The following KCNN2 variants were observed in gnomAD, a reference collection of about 807,000 sequenced individuals.
The protein encoded by KCNN2 is potassium calcium-activated channel subfamily N member 2.
In KCNN2, 24 loss-of-function variants were observed where a neutral mutation model predicts 55.5. The observed-to-expected ratio is 0.43, with a 90% CI of 0.31 to 0.61. The LOEUF (loss-of-function observed/expected upper bound fraction) is 0.61, where lower values mean the gene tolerates loss of function less well. Among genes scored for constraint, KCNN2 ranks in the 20% least tolerant of loss-of-function variants. KCNN2 has a pLI of 0.08. For synonymous variants in KCNN2, 431 were observed against 336.1 expected, an observed-to-expected ratio of 1.28 and a Z score of -3.09; for missense variants, 754 against 853.6, an observed-to-expected ratio of 0.88 and a Z score of 1.45.
At chr5:114,212,262 A>T (rs1380664150) in intron 1 of KCNN2, among the ~76,000 whole-genome samples, 2 of 152,076 alleles carry the variant, frequency 1.3e-5, no homozygotes, top group Non-Finnish European at 2.9e-5. Flanking sequence ...TAAACCTTGA[A>T]AACATTGTGT....
At chr5:114,308,060 T>C (rs1201396363) in intron 2 of KCNN2, among the ~76,000 whole-genome samples, 2 of 152,146 alleles carry the variant, frequency 1.3e-5, no homozygotes, top group South Asian at 4.1e-4. Context: ...GTATAAATTA[T>C]TTACTCCCGA....
chr5:114,432,878 G>A (rs1356829478), intron 3 of KCNN2, among the ~76,000 whole-genome samples: 1 of 152,210 alleles, frequency 6.6e-6, no homozygotes, highest in Non-Finnish European at 1.5e-5. Flanking sequence ...GCTCACCAGC[G>A]CTGCGCTTGA....
chr5:114,379,605 TTA>T (rs1758048944), intron 2 of KCNN2, among the ~76,000 whole-genome samples: 1 of 39,174 alleles, frequency 2.6e-5, no homozygotes, highest in Non-Finnish European at 4.6e-5. Context: ...ATTATATATT[TTA>T]GAATATATTA....
chr5:114,120,645 A>T (rs1337292090), intron 1 of KCNN2, among the ~76,000 whole-genome samples: 1 of 152,208 alleles, frequency 6.6e-6, no homozygotes, highest in African/African-American at 2.4e-5. Context: ...ATACTTTGGG[A>T]ACCTGAGTAT....
intron 1 of KCNN2, among the ~76,000 whole-genome samples, chr5:114,173,706 G>A (rs1404487784): frequency 6.6e-6 from 1 of 150,738 alleles, no homozygotes; most frequent in Admixed American, 6.6e-5. Flanking sequence ...AAATCCTTTA[G>A]TTCTTTTGTT....
chr5:114,090,986 T>G (rs1751132348), intron 1 of KCNN2, among the ~76,000 whole-genome samples: 1 of 152,094 alleles, frequency 6.6e-6, no homozygotes, highest in Admixed American at 6.5e-5. Context: ...TACAGGCATG[T>G]ACCATGCCCG....
At chr5:114,353,633 G>C (rs1561581893) in intron 2 of KCNN2, among the ~76,000 whole-genome samples, 1 of 151,918 alleles carries the variant, frequency 6.6e-6, no homozygotes. Flanking sequence ...GGAAAGGCAA[G>C]TCTGTTAGCA....
rs868386548 is a variant in KCNN2, at chr5:114,405,034, A to C, written c.1637+178A>C. 5.3e-5 allele frequency among the ~76,000 whole-genome samples: 8 copies of C among 152,300 alleles called. No individual in the cohort carries two copies. The Middle Eastern group carries it at 0.01, about 194-fold the overall frequency. ...TTTCTGAAGATTTTTTCGTAGAGCA[A>C]ATGCCTTCATGCTTGTGTGTTTTCT... On this transcript the variant is annotated intron_variant, in intron 3 of 7. Coordinates refer to ENST00000673685, the MANE Select transcript of KCNN2 (RefSeq NM_021614.4).
At chr5:114,155,423 A>G (rs1752610196) in intron 1 of KCNN2, among the ~76,000 whole-genome samples, 1 of 152,156 alleles carries the variant, frequency 6.6e-6, no homozygotes, top group African/African-American at 2.4e-5. Flanking sequence ...ATTGCGGGTC[A>G]AATGTTATTT....
chr5:114,370,272 C>T (rs556184623), intron 2 of KCNN2, among the ~76,000 whole-genome samples: 1 of 152,188 alleles, frequency 6.6e-6, no homozygotes, highest in Admixed American at 6.5e-5. Flanking sequence ...AAGGCTGTTT[C>T]ATTCTTAGCT....
chr5:114,350,752 G>A (rs1322345518), intron 2 of KCNN2, among the ~76,000 whole-genome samples: 1 of 151,770 alleles, frequency 6.6e-6, no homozygotes, highest in Non-Finnish European at 1.5e-5. Flanking sequence ...CCTTATTAAA[G>A]GTCAATCAGT....
intron 2 of KCNN2, among the ~76,000 whole-genome samples, chr5:114,290,414 T>C (rs1178957806): frequency 1.3e-5 from 2 of 152,152 alleles, no homozygotes; most frequent in East Asian, 3.8e-4. Flanking sequence ...TAATCCTTTT[T>C]ATTCCTATAA....
chr5:114,078,992 C>T (rs558208311), intron 1 of KCNN2, among the ~76,000 whole-genome samples: 2 of 152,100 alleles, frequency 1.3e-5, no homozygotes, highest in Non-Finnish European at 2.9e-5. Context: ...GTTGGAAGTT[C>T]CCTTTGTGGT....
intron 3 of KCNN2, among the ~76,000 whole-genome samples, chr5:114,406,564 G>T (rs755147662): frequency 6.8e-6 from 1 of 147,694 alleles, no homozygotes. Flanking sequence ...AGAAATAGTT[G>T]CCTCATTTTT....
chr5:114,276,470 C>T (rs1004364733), intron 2 of KCNN2, among the ~76,000 whole-genome samples: 1 of 152,014 alleles, frequency 6.6e-6, no homozygotes, highest in Non-Finnish European at 1.5e-5. Context: ...GTCTGGGTCT[C>T]TTTTTAGGTC....
At chr5:114,487,711 T>C (rs1044193869) in intron 6 of KCNN2, among the ~76,000 whole-genome samples, 1 of 152,216 alleles carries the variant, frequency 6.6e-6, no homozygotes, top group African/African-American at 2.4e-5. Context: ...TCCATTGTTA[T>C]ATAATTAGCA....
intron 2 of KCNN2, among the ~76,000 whole-genome samples, chr5:114,310,686 C>T (rs749792117): frequency 4.6e-5 from 7 of 151,970 alleles, no homozygotes; most frequent in South Asian, 2.1e-4. Context: ...AGGAATATTT[C>T]GTAATTTATA....
chr5:114,140,702 C>G (rs1173811425), intron 1 of KCNN2, among the ~76,000 whole-genome samples: 1 of 149,758 alleles, frequency 6.7e-6, no homozygotes, highest in African/African-American at 2.4e-5. Context: ...AAATATAAAA[C>G]CAAAAATGTT....
chr5:114,061,385 T>G (rs1007865089), intron 1 of KCNN2, among the ~76,000 whole-genome samples: 6 of 152,242 alleles, frequency 3.9e-5, no homozygotes, highest in Non-Finnish European at 8.8e-5. Context: ...TAATGTTTAC[T>G]TTTAATTATT....
Sources: allele counts gnomAD v4.1 joint callset (sites outside exome capture counted in the v4.1 genomes callset), GRCh38; gene constraint gnomAD v4.1.1; transcripts MANE v1.5; gene names NCBI Gene and HGNC (gene_info 2026-07-23, HGNC 2026-07-21).